Variants in KIAA1217 observed in about 807,000 individuals in gnomAD.
The protein encoded by KIAA1217 is KIAA1217, also known as sickle tail protein homolog.
In KIAA1217, 88 loss-of-function variants were observed where a neutral mutation model predicts 163.9. The observed-to-expected ratio is 0.54, with a 90% CI of 0.45 to 0.64. The LOEUF (loss-of-function observed/expected upper bound fraction) is 0.64. KIAA1217 is among the 30% of genes least tolerant of loss of function. The pLI is 0.00. For missense variants in KIAA1217, 2,372 were observed against 2,475.0 expected, an observed-to-expected ratio of 0.96 and a Z score of 0.88; for synonymous variants, 903 against 923.1, an observed-to-expected ratio of 0.98 and a Z score of 0.39.
chr10:23,821,841 G>A (rs1837633306), intron 1 of KIAA1217, among the ~76,000 whole-genome samples: 1 of 152,192 alleles, frequency 6.6e-6, no homozygotes, highest in Non-Finnish European at 1.5e-5. Flanking sequence ...AAATTAGGAA[G>A]GGGCCTCCAG....
In KIAA1217 at chr10:24,447,247, TTATC is replaced by T. The variant is rs1390322001; in HGVS notation, c.846+8772_846+8775del. ...ATGATTTATATATTTATTTATTTATTTATCTATTTATTTTATACTTTAAGTTCTG... is the reference window on the plus strand; with the variant it reads ...ATGATTTATATATTTATTTATTTATTTATTTATTTTATACTTTAAGTTCTG... On this transcript the variant is annotated intron_variant, in intron 5 of 20. Transcript: ENST00000376454. Among the ~76,000 whole-genome samples, 37 of 152,082 alleles carry T rather than the reference TTATC, an allele frequency of 2.4e-4. 1 individual carries two copies. The South Asian group carries it at 7.1e-3, about 29-fold the overall frequency.
chr10:24,118,095 G>A (rs541121395), intron 2 of KIAA1217, among the ~76,000 whole-genome samples: 3 of 150,448 alleles, frequency 2.0e-5, no homozygotes, highest in Non-Finnish European at 2.9e-5. Context: ...AAACCCTGAC[G>A]TGAATTTACC....
At chr10:24,224,940 C>G (rs2070281120) in intron 2 of KIAA1217, among the ~76,000 whole-genome samples, 1 of 151,134 alleles carries the variant, frequency 6.6e-6, no homozygotes, top group South Asian at 2.1e-4. Context: ...CATTCTCCTG[C>G]CTCAGCCTCC....
At chr10:24,033,224 T>C (rs1322046794) in intron 2 of KIAA1217, among the ~76,000 whole-genome samples, 3 of 152,196 alleles carry the variant, frequency 2.0e-5, no homozygotes, top group Admixed American at 1.3e-4. Context: ...TTCTTAGAAA[T>C]TAGAGCTGTT....
intron 1 of KIAA1217, among the ~76,000 whole-genome samples, chr10:23,961,127 T>C (rs1449755411): frequency 6.6e-6 from 1 of 152,208 alleles, no homozygotes; most frequent in Non-Finnish European, 1.5e-5. Flanking sequence ...TAGAGCCCCA[T>C]AAAAATGCAA....
At chr10:23,735,191 T>G (rs1331973519) in intron 1 of KIAA1217, among the ~76,000 whole-genome samples, 2 of 152,252 alleles carry the variant, frequency 1.3e-5, no homozygotes, top group East Asian at 3.9e-4. Context: ...TTATAGAGTA[T>G]TCAGAGCTTC....
intron 3 of KIAA1217, among the ~76,000 whole-genome samples, chr10:24,414,297 A>G (rs959211526): frequency 6.6e-6 from 1 of 152,234 alleles, no homozygotes; most frequent in African/African-American, 2.4e-5. Flanking sequence ...TATAAGCATA[A>G]TGTTTACATA....
At chr10:23,861,584 A>G (rs1485371903) in intron 1 of KIAA1217, among the ~76,000 whole-genome samples, 1 of 152,154 alleles carries the variant, frequency 6.6e-6, no homozygotes, top group Non-Finnish European at 1.5e-5. Context: ...TCCAGTTTGG[A>G]TTAGAGAGAT....
rs1422728857 is a variant in KIAA1217, at chr10:24,203,160, C to T, written c.-170-16466C>T. ...TGTGATCATACCACTGCAATCTAGC[C>T]TGGGTGGTGGAGTAAAAACTTGTCA... On this transcript the variant is annotated intron_variant, in intron 2 of 18. Coordinates refer to the KIAA1217 transcript ENST00000376462. Among the ~76,000 whole-genome samples, 7 of 146,710 alleles carry T rather than the reference C, an allele frequency of 4.8e-5. No homozygotes were observed. In the Admixed American group the frequency reaches 4.8e-4, roughly 10 times the overall value.
At chr10:23,721,895 TTC>T (rs931044698) in intron 1 of KIAA1217, among the ~76,000 whole-genome samples, 2 of 152,156 alleles carry the variant, frequency 1.3e-5, no homozygotes, top group African/African-American at 4.8e-5. Flanking sequence ...CCTACTAGAT[TTC>T]CTATCTTTCT....
In KIAA1217 at chr10:23,804,380, G is replaced by T. The variant is rs141900465; in HGVS notation, c.-321+109146G>T. On this transcript the variant is annotated intron_variant, in intron 1 of 18. Coordinates refer to the KIAA1217 transcript ENST00000376462. ...GTAGAGGTGAGTGTGATAGGAAGCTGGGTGACAGCTTTAGAATGTTTTGAA... is the reference window on the plus strand; with the variant it reads ...GTAGAGGTGAGTGTGATAGGAAGCTTGGTGACAGCTTTAGAATGTTTTGAA... 5.5e-3 allele frequency among the ~76,000 whole-genome samples: 836 copies of T among 152,272 alleles called. 6 individuals carry two copies. The highest frequency in any genetic ancestry group is 0.017 in the African/African-American group (713 of 41,560).
intron 2 of KIAA1217, among the ~76,000 whole-genome samples, chr10:24,012,004 G>A (rs150346400): frequency 2.2e-4 from 33 of 151,996 alleles, no homozygotes; most frequent in Admixed American, 1.8e-3. Context: ...ATTTGACCAA[G>A]GAAAAATAAA....
chr10:24,486,472 C>T (rs568175767), intron 6 of KIAA1217, among the ~76,000 whole-genome samples: 9 of 152,284 alleles, frequency 5.9e-5, no homozygotes, highest in East Asian at 1.9e-4. Context: ...TGATTCCCCT[C>T]GCCACAAGCC....
intron 1 of KIAA1217, among the ~76,000 whole-genome samples, chr10:23,845,544 T>C (rs1036595905): frequency 1.3e-5 from 2 of 152,150 alleles, no homozygotes; most frequent in African/African-American, 4.8e-5. Context: ...TCTTTTGAGA[T>C]GTGTCTGTTC....
intron 2 of KIAA1217, among the ~76,000 whole-genome samples, chr10:24,045,019 G>A (rs2131565871): frequency 6.6e-6 from 1 of 152,144 alleles, no homozygotes. Flanking sequence ...ATAAGCTTAA[G>A]GAAAACTAAA....
chr10:24,050,099 G>A (rs1245730727), intron 2 of KIAA1217, among the ~76,000 whole-genome samples: 1 of 152,176 alleles, frequency 6.6e-6, no homozygotes. Context: ...CTGCATAAAT[G>A]TCTTCTTTTG....
chr10:24,377,214 G>A (rs1041411427), intron 2 of KIAA1217, among the ~76,000 whole-genome samples: 4 of 152,184 alleles, frequency 2.6e-5, no homozygotes, highest in Admixed American at 1.3e-4. Flanking sequence ...TACCATTTGG[G>A]TTTGCGGGTT....
At chr10:24,041,963 C>T (rs980875860) in intron 2 of KIAA1217, among the ~76,000 whole-genome samples, 28 of 148,162 alleles carry the variant, frequency 1.9e-4, no homozygotes, top group Middle Eastern at 3.6e-3. Context: ...TGTGTGTGTG[C>T]GTTTCATATT....
At chr10:23,698,636 A>C (rs1362340367) in intron 1 of KIAA1217, among the ~76,000 whole-genome samples, 1 of 152,220 alleles carries the variant, frequency 6.6e-6, no homozygotes, top group Non-Finnish European at 1.5e-5. Flanking sequence ...TGCAGATGAG[A>C]AAACTGGAGC....
Sources: allele counts gnomAD v4.1 joint callset (sites outside exome capture counted in the v4.1 genomes callset), GRCh38; gene constraint gnomAD v4.1.1; transcripts MANE v1.5; gene names NCBI Gene and HGNC (gene_info 2026-07-23, HGNC 2026-07-21).